The following CAPS2 variants were observed in gnomAD, a reference collection of about 807,000 sequenced individuals.
CAPS2 encodes calcyphosine 2.
Under a neutral mutation model 86.5 loss-of-function variants are expected in CAPS2, and 98 were observed. That is an observed-to-expected ratio of 1.13 (90% CI 0.96 to 1.34). The LOEUF is 1.34. Ranked by LOEUF, CAPS2 falls within the 40% of genes most tolerant of loss-of-function variation. The pLI, the probability that CAPS2 is intolerant of heterozygous loss-of-function variation, is 0.00. For synonymous variants in CAPS2, 210 were observed against 225.1 expected, an observed-to-expected ratio of 0.93 and a Z score of 0.60; for missense variants, 729 against 686.8, an observed-to-expected ratio of 1.06 and a Z score of -0.69.
chr12:75,312,234 G>C (rs181315079), intron 7 of CAPS2, among the ~76,000 whole-genome samples: 1 of 152,054 alleles, frequency 6.6e-6, no homozygotes, highest in Admixed American at 6.6e-5. Context: ...AACTCACAGG[G>C]GTACTATGGG....
upstream of CAPS2, chr12:75,334,785 CACT>C: frequency 6.2e-7 from 1 of 1,614,008 alleles, no homozygotes; most frequent in Non-Finnish European, 8.5e-7. Flanking sequence ...GTTTGGTAGC[CACT>C]ACATCTTCCA....
intron 1 of CAPS2, chr12:75,360,087 G>C (rs982230374): frequency 3.3e-5 from 5 of 151,990 alleles, no homozygotes; most frequent in Non-Finnish European, 7.4e-5. Flanking sequence ...AACAGCATGG[G>C]GGAAACTGCC....
chr12:75,294,370 C>G (rs1287474714), intron 11 of CAPS2, among the ~76,000 whole-genome samples: 1 of 152,184 alleles, frequency 6.6e-6, no homozygotes, highest in Non-Finnish European at 1.5e-5. Flanking sequence ...AGTACTTTCT[C>G]CTCTCTTTGA....
chr12:75,331,966 A>G (rs1032864308), upstream of CAPS2, among the ~76,000 whole-genome samples: 1 of 152,230 alleles, frequency 6.6e-6, no homozygotes, highest in Non-Finnish European at 1.5e-5. Flanking sequence ...ACATTAGGAC[A>G]TGCACTTGTT....
chr12:75,312,475 T>C (rs922055110), intron 7 of CAPS2, among the ~76,000 whole-genome samples: 14 of 152,158 alleles, frequency 9.2e-5, no homozygotes, highest in African/African-American at 2.2e-4. Flanking sequence ...GCATTGTAAA[T>C]GATTCTAGGA....
chr12:75,281,983 C>A (rs1471122272), intron 16 of CAPS2, among the ~76,000 whole-genome samples: 2 of 152,008 alleles, frequency 1.3e-5, no homozygotes, highest in African/African-American at 4.8e-5. Flanking sequence ...AAACCTATTT[C>A]ATTCTTTTTA....
chr12:75,334,901 T>C (rs749388850), upstream of CAPS2: 5 of 1,613,354 alleles, frequency 3.1e-6, no homozygotes, highest in Non-Finnish European at 4.2e-6. Context: ...ATGAAATACA[T>C]GGTGAGAAAG....
At chr12:75,282,796 G>C (rs2034213277) in intron 15 of CAPS2, among the ~76,000 whole-genome samples, 2 of 152,148 alleles carry the variant, frequency 1.3e-5, no homozygotes, top group African/African-American at 4.8e-5. Flanking sequence ...GTACTATACT[G>C]ATACACAAAA....
intron 16 of CAPS2, among the ~76,000 whole-genome samples, chr12:75,280,746 G>A (rs908802074): frequency 2.0e-5 from 3 of 151,610 alleles, no homozygotes; most frequent in Admixed American, 6.6e-5. Context: ...AAACTATTTC[G>A]ACAAGAAATA....
At chr12:75,309,180 T>C (rs1442969803) in intron 7 of CAPS2, among the ~76,000 whole-genome samples, 1 of 152,046 alleles carries the variant, frequency 6.6e-6, no homozygotes, top group East Asian at 1.9e-4. Context: ...GGGCTAGAGA[T>C]TAGGCATCCT....
At chr12:75,365,662 A>C (rs1410146564) in intron 1 of CAPS2, among the ~76,000 whole-genome samples, 1 of 152,126 alleles carries the variant, frequency 6.6e-6, no homozygotes, top group Non-Finnish European at 1.5e-5. Context: ...AGTTTTTTAC[A>C]AACATTTATT....
At chr12:75,306,405 C>T in intron 7 of CAPS2, 1 of 390,758 alleles carries the variant, frequency 2.6e-6, no homozygotes, top group Non-Finnish European at 4.7e-6. Flanking sequence ...CCTCACCAGG[C>T]CTGTGGAAGG....
intron 5 of CAPS2, among the ~76,000 whole-genome samples, chr12:75,318,540 C>T (rs2039997307): frequency 6.6e-6 from 1 of 152,074 alleles, no homozygotes; most frequent in Admixed American, 6.6e-5. Context: ...CTGTCCTCCT[C>T]AATATTTCTT....
intron 14 of CAPS2, 151 bp from the exon 15 acceptor site, chr12:75,285,231 AC>A (rs2034660442): frequency 1.3e-6 from 1 of 751,218 alleles, no homozygotes; most frequent in Admixed American, 3.8e-5. Flanking sequence ...TCCAATCAAA[AC>A]CACTAAAAAA....
intron 5 of CAPS2, among the ~76,000 whole-genome samples, chr12:75,317,216 G>T (rs1004317164): frequency 1.3e-5 from 2 of 151,964 alleles, no homozygotes; most frequent in African/African-American, 4.8e-5. Flanking sequence ...TTGCTGTATC[G>T]CTGGTGGCAG....
At chr12:75,381,529 C>CTTT (rs201207445) in intron 1 of CAPS2, among the ~76,000 whole-genome samples, 46 of 118,368 alleles carry the variant, frequency 3.9e-4, no homozygotes, top group African/African-American at 1.4e-3. Context: ...GTTATTTAGA[C>CTTT]TTTTTTTTTT....
exon 12 of CAPS2, chr12:75,293,301 A>C: frequency 6.2e-7 from 1 of 1,612,682 alleles, no homozygotes; most frequent in Non-Finnish European, 8.5e-7. Flanking sequence ...AGTTTAAGTA[A>C]TGTGTTTTCT....
intron 1 of CAPS2, among the ~76,000 whole-genome samples, chr12:75,379,156 T>G (rs895797860): frequency 6.6e-6 from 1 of 152,236 alleles, no homozygotes; most frequent in African/African-American, 2.4e-5. Context: ...ATGATTTTCT[T>G]TAAGTCAGAT....
In CAPS2 at chr12:75,357,539, C is replaced by T. The variant is rs139965645; in HGVS notation, c.-395+33299G>A. ...ATGGACATGGTAGACTATACCACCC[C>T]AAAACAGAGGAATATATATTTCTTC... On this transcript the variant is annotated intron_variant, in intron 1 of 5. Coordinates refer to the CAPS2 transcript ENST00000551829. Among the ~76,000 whole-genome samples, 170 of 151,978 alleles carry T rather than the reference C, an allele frequency of 1.1e-3. 1 individual carries two copies. The highest frequency in any genetic ancestry group is 3.6e-3 in the African/African-American group (150 of 41,452).
Sources: gnomAD v4.1 joint callset for allele counts (sites outside exome capture counted in the v4.1 genomes callset) on GRCh38, gnomAD v4.1.1 for gene constraint, MANE v1.5 for transcripts, NCBI Gene and HGNC (gene_info 2026-07-23, HGNC 2026-07-21) for gene names.